LINGO2: variants seen among roughly 807,000 people sequenced by gnomAD.
LINGO2 encodes leucine-rich repeat and immunoglobulin-like domain-containing nogo receptor-interacting protein 2.
In LINGO2, 14 loss-of-function variants were observed where a neutral mutation model predicts 30.6. The ratio of observed to expected loss-of-function variants is 0.46; its 90% CI spans 0.30 to 0.72. The LOEUF is 0.72. Among genes scored for constraint, LINGO2 ranks in the 30% least tolerant of loss-of-function variants. The pLI is 0.07. For missense variants in LINGO2, 729 were observed against 751.7 expected (o/e 0.97, Z 0.35); for synonymous variants, 317 against 288.5 (o/e 1.10, Z -1.00).
the LINGO2 span, among the ~76,000 whole-genome samples, chr9:28,801,432 C>G: frequency 1.3e-5 from 2 of 152,082 alleles, no homozygotes; most frequent in Non-Finnish European, 2.9e-5. Flanking sequence ...TTTAAAGATT[C>G]TGTTCCCAGT....
At chr9:28,160,102 C>T (rs868700939) in intron 4 of LINGO2, among the ~76,000 whole-genome samples, 17 of 151,660 alleles carry the variant, frequency 1.1e-4, no homozygotes, top group Non-Finnish European at 2.1e-4. Flanking sequence ...GAATCTATAG[C>T]AACTATGAAA....
chr9:28,286,946 C>A (rs1416782593), intron 4 of LINGO2, among the ~76,000 whole-genome samples: 1 of 152,080 alleles, frequency 6.6e-6, no homozygotes, highest in Non-Finnish European at 1.5e-5. Context: ...TGCACTTGTA[C>A]CCCTGAACTT....
At chr9:28,768,613 GACACACACACACAC>G in the LINGO2 span, among the ~76,000 whole-genome samples, 62 of 144,510 alleles carry the variant, frequency 4.3e-4, no homozygotes, top group Non-Finnish European at 5.8e-4. Flanking sequence ...GACAGACTGG[GACACACACACACAC>G]ACACACACAC....
chr9:28,064,511 T>A (rs765196203), intron 4 of LINGO2, among the ~76,000 whole-genome samples: 24 of 152,156 alleles, frequency 1.6e-4, no homozygotes, highest in Non-Finnish European at 2.6e-4. Context: ...ATCCCGACTG[T>A]TGATAGCAAC....
At chr9:29,208,479 T>G in the LINGO2 span, among the ~76,000 whole-genome samples, 4 of 152,072 alleles carry the variant, frequency 2.6e-5, no homozygotes, top group African/African-American at 9.7e-5. Context: ...ATATAAATAT[T>G]AATTTAAATT....
At chr9:29,185,400 T>G in the LINGO2 span, among the ~76,000 whole-genome samples, 4 of 152,262 alleles carry the variant, frequency 2.6e-5, no homozygotes, top group East Asian at 5.8e-4. Flanking sequence ...TAGGGCAATT[T>G]AGGCATTCCA....
At chr9:28,267,068 A>C (rs995171000) in intron 4 of LINGO2, among the ~76,000 whole-genome samples, 1 of 152,042 alleles carries the variant, frequency 6.6e-6, no homozygotes, top group Non-Finnish European at 1.5e-5. Context: ...AGACAGTGCA[A>C]TAATGCCCTG....
intron 4 of LINGO2, among the ~76,000 whole-genome samples, chr9:28,210,576 A>G (rs1035303436): frequency 4.0e-5 from 6 of 151,766 alleles, no homozygotes; most frequent in African/African-American, 1.2e-4. Flanking sequence ...AAAAGTTACC[A>G]TATTACTTTA....
intron 1 of LINGO2, among the ~76,000 whole-genome samples, chr9:28,494,304 G>A (rs1269101011): frequency 4.0e-5 from 6 of 151,838 alleles, no homozygotes; most frequent in Admixed American, 2.0e-4. Flanking sequence ...TGCCACATTG[G>A]TGTGCTGCAC....
At chr9:28,095,878 C>A (rs1455923392) in intron 4 of LINGO2, among the ~76,000 whole-genome samples, 3 of 152,128 alleles carry the variant, frequency 2.0e-5, no homozygotes, top group Non-Finnish European at 4.4e-5. Flanking sequence ...AAACAAACAA[C>A]CCCATCAAAA....
At chr9:28,736,657 T>C in the LINGO2 span, among the ~76,000 whole-genome samples, 2 of 152,030 alleles carry the variant, frequency 1.3e-5, no homozygotes, top group African/African-American at 4.8e-5. Flanking sequence ...CCGGGTGTGG[T>C]GGCAGGTGCC....
chr9:28,690,091 C>T, the LINGO2 span, among the ~76,000 whole-genome samples: 442 of 152,034 alleles, frequency 2.9e-3, 5 homozygotes, highest in Middle Eastern at 6.8e-3. Context: ...GGTGGGAGGA[C>T]GGAGAGCATT....
the LINGO2 span, among the ~76,000 whole-genome samples, chr9:29,089,814 T>C: frequency 6.6e-6 from 1 of 152,046 alleles, no homozygotes; most frequent in African/African-American, 2.4e-5. Flanking sequence ...ACTAGTTCCA[T>C]GAATGTCAAT....
the LINGO2 span, among the ~76,000 whole-genome samples, chr9:29,010,076 C>A: frequency 1.3e-5 from 2 of 152,098 alleles, no homozygotes; most frequent in African/African-American, 4.8e-5. Context: ...CCATAAAAAA[C>A]CCAAGAAGAA....
intron 4 of LINGO2, among the ~76,000 whole-genome samples, chr9:28,139,470 T>A (rs1424466749): frequency 2.0e-5 from 3 of 152,204 alleles, no homozygotes; most frequent in African/African-American, 4.8e-5. Flanking sequence ...TCAGCTACAT[T>A]CCTGGATATT....
chr9:28,705,563 C>G, the LINGO2 span, among the ~76,000 whole-genome samples: 3 of 152,056 alleles, frequency 2.0e-5, no homozygotes, highest in Non-Finnish European at 2.9e-5. Context: ...CTCATAAGAA[C>G]AGAATGCTCC....
At chr9:28,189,621 GAGGA>G (rs1564029328) in intron 4 of LINGO2, among the ~76,000 whole-genome samples, 1 of 1,134 alleles carries the variant, frequency 8.8e-4, no homozygotes, top group Non-Finnish European at 1.7e-3. Flanking sequence ...GGGAGGGAGG[GAGGA>G]AGGGAGGGAG....
chr9:28,335,653 A>G (rs1825566318), intron 3 of LINGO2, among the ~76,000 whole-genome samples: 1 of 152,308 alleles, frequency 6.6e-6, no homozygotes, highest in South Asian at 2.1e-4. Flanking sequence ...TAGAAACAAC[A>G]TATGCCAACA....
chr9:28,535,430 G>T (rs1821395352), intron 1 of LINGO2, among the ~76,000 whole-genome samples: 1 of 152,132 alleles, frequency 6.6e-6, no homozygotes, highest in Admixed American at 6.6e-5. Flanking sequence ...ATGGTATGCA[G>T]TTGGGAGAAG....
Sources: allele counts gnomAD v4.1 joint callset (sites outside exome capture counted in the v4.1 genomes callset), GRCh38; gene constraint gnomAD v4.1.1; transcripts MANE v1.5; gene names NCBI Gene and HGNC (gene_info 2026-07-23, HGNC 2026-07-21).